The following UGGT2 variants were observed in gnomAD, a reference collection of about 807,000 sequenced individuals.
The protein encoded by UGGT2 is UDP-glucose:glycoprotein glucosyltransferase 2.
A neutral mutation model predicts 192.1 loss-of-function variants in UGGT2; 180 were observed. The observed-to-expected ratio is 0.94, with a 90% confidence interval of 0.83 to 1.06. The LOEUF (loss-of-function observed/expected upper bound fraction) is 1.06, where lower values mean the gene tolerates loss of function less well. Among genes scored for constraint, UGGT2 ranks in the 50% least tolerant of loss-of-function variants. The probability of loss-of-function intolerance (pLI) is 0.00; values close to 1 mark genes in which losing one functional copy is unlikely to be tolerated. For missense variants in UGGT2, 1,849 were observed against 1,795.7 expected, an observed-to-expected ratio of 1.03 and a Z score of -0.54; for synonymous variants, 580 against 591.0, an observed-to-expected ratio of 0.98 and a Z score of 0.27.
intron 12 of UGGT2, among the ~76,000 whole-genome samples, chr13:95,969,375 G>C (rs1001843397): frequency 1.3e-5 from 2 of 152,180 alleles, no homozygotes; most frequent in South Asian, 2.1e-4. Context: ...GGTCTTGCAA[G>C]TCCTTCTAGC....
chr13:95,915,888 A>C (rs1566689231), intron 20 of UGGT2, among the ~76,000 whole-genome samples: 1 of 152,146 alleles, frequency 6.6e-6, no homozygotes, highest in East Asian at 1.9e-4. Flanking sequence ...ATAAAGACAG[A>C]GCTTTGATCT....
intron 1 of UGGT2, among the ~76,000 whole-genome samples, chr13:96,039,294 CTT>C (rs1383000873): frequency 6.6e-6 from 1 of 152,186 alleles, no homozygotes; most frequent in Non-Finnish European, 1.5e-5. Flanking sequence ...TTCATTTTGT[CTT>C]GTCTCTTTCG....
At chr13:95,972,463 T>G in intron 11 of UGGT2, 117 bp downstream of exon 11, 4 of 970,134 alleles carry the variant, frequency 4.1e-6, no homozygotes, top group Non-Finnish European at 6.1e-6. Context: ...TTTTGTACAA[T>G]CAAAAACATG....
chr13:95,869,993 G>C (rs908071787), intron 29 of UGGT2, among the ~76,000 whole-genome samples: 1 of 152,176 alleles, frequency 6.6e-6, no homozygotes, highest in African/African-American at 2.4e-5. Flanking sequence ...ATGTAAATCA[G>C]ATTGGCTTCA....
chr13:96,023,387 A>G (rs2052570940), intron 3 of UGGT2, among the ~76,000 whole-genome samples: 1 of 152,160 alleles, frequency 6.6e-6, no homozygotes, highest in African/African-American at 2.4e-5. Flanking sequence ...TTAAAATTTT[A>G]TGATACTTCA....
chr13:95,963,217 G>C (rs553049439), intron 12 of UGGT2, among the ~76,000 whole-genome samples: 39 of 151,774 alleles, frequency 2.6e-4, no homozygotes, highest in African/African-American at 8.9e-4. Context: ...TGATCAAGTG[G>C]GATTTACCCC....
At chr13:95,842,119 A>G (rs1887927316) in intron 36 of UGGT2, among the ~76,000 whole-genome samples, 1 of 152,164 alleles carries the variant, frequency 6.6e-6, no homozygotes, top group Admixed American at 6.5e-5. Flanking sequence ...ACCATCACAT[A>G]ATTAACATAA....
At chr13:95,886,342 C>T (rs2047646048) in intron 26 of UGGT2, among the ~76,000 whole-genome samples, 1 of 152,134 alleles carries the variant, frequency 6.6e-6, no homozygotes, top group African/African-American at 2.4e-5. Flanking sequence ...TTCTGTTGAA[C>T]TACTAGTTAA....
chr13:95,934,189 T>C (rs1239509961), intron 17 of UGGT2, among the ~76,000 whole-genome samples: 4 of 152,218 alleles, frequency 2.6e-5, no homozygotes, highest in Non-Finnish European at 4.4e-5. Context: ...ATGTTCTGAG[T>C]TCTGATTTCT....
intron 4 of UGGT2, among the ~76,000 whole-genome samples, chr13:96,018,741 A>G (rs2052417128): frequency 1.8e-5 from 1 of 56,704 alleles, no homozygotes. Flanking sequence ...TTATAATTGA[A>G]AAAAAAAACA....
intron 2 of UGGT2, among the ~76,000 whole-genome samples, chr13:96,028,921 G>A (rs937376858): frequency 2.6e-5 from 4 of 151,982 alleles, no homozygotes; most frequent in Admixed American, 6.5e-5. Flanking sequence ...CGAGGTGGGC[G>A]GATCACGAGG....
chr13:95,908,311 T>G lies in UGGT2; in HGVS notation c.2296-5251A>C, dbSNP rs578187217. Reference sequence around the variant, plus strand: ...AAGTGATGGGGAGAATGGAACCATGTTGGAAAACACTATTCAGGATATCAT... The same window carrying G: ...AAGTGATGGGGAGAATGGAACCATGGTGGAAAACACTATTCAGGATATCAT... On this transcript the variant is annotated intron_variant, in intron 20 of 38. Transcript: ENST00000376747. 7.9e-5 allele frequency among the ~76,000 whole-genome samples: 12 copies of G among 152,342 alleles called. No homozygotes were observed. The South Asian group carries it at 2.3e-3, about 29-fold the overall frequency.
At chr13:96,052,984 G>A (rs1420959393) in intron 1 of UGGT2, among the ~76,000 whole-genome samples, 171 bp downstream of exon 1, 2 of 152,360 alleles carry the variant, frequency 1.3e-5, no homozygotes, top group African/African-American at 2.4e-5. Flanking sequence ...CACGGGAACC[G>A]AGAAGCCGCC....
Position 95,807,747 on chromosome 13 carries a change from A to C in UGGT2, c.4529-5935T>G, listed in dbSNP as rs183557002. 8.3e-5 allele frequency among the ~76,000 whole-genome samples: 5 copies of C among 60,338 alleles called. No homozygotes were observed. In the East Asian group the frequency reaches 1.8e-3, roughly 22 times the overall value. 39.6% of individuals were successfully genotyped at this position (60,338 alleles called of 152,430 possible). A position where few individuals can be genotyped will look rare whatever the true frequency, so the allele number is the denominator to read the frequency against. On this transcript the variant is annotated intron_variant, in intron 38 of 38. Transcript: ENST00000376747. ...TTTTTTTTTTTTTTGCCGTATTCAC[A>C]ATCTCTTTCATGATTTCCTTGGTTA...
intron 24 of UGGT2, among the ~76,000 whole-genome samples, chr13:95,891,791 T>C (rs1366856387): frequency 1.3e-5 from 2 of 152,170 alleles, no homozygotes; most frequent in Non-Finnish European, 2.9e-5. Context: ...GTTACAGGAA[T>C]ATTAGTTTCT....
At chr13:95,872,677 T>A (rs1282829665) in intron 29 of UGGT2, among the ~76,000 whole-genome samples, 1 of 152,186 alleles carries the variant, frequency 6.6e-6, no homozygotes, top group African/African-American at 2.4e-5. Flanking sequence ...TGTAAGTTAT[T>A]TCTACTGCCA....
chr13:95,945,035 A>G (rs1424166153), intron 15 of UGGT2, among the ~76,000 whole-genome samples: 1 of 151,800 alleles, frequency 6.6e-6, no homozygotes, highest in Non-Finnish European at 1.5e-5. Flanking sequence ...GCTACCTTAG[A>G]TTTCATTTGT....
intron 38 of UGGT2, among the ~76,000 whole-genome samples, chr13:95,802,936 C>T (rs1489802200): frequency 6.6e-6 from 1 of 152,136 alleles, no homozygotes; most frequent in Non-Finnish European, 1.5e-5. Flanking sequence ...TGGGTTCACA[C>T]CATTCTCCTG....
intron 29 of UGGT2, among the ~76,000 whole-genome samples, chr13:95,874,516 G>C (rs1260019103): frequency 1.3e-5 from 2 of 152,048 alleles, no homozygotes; most frequent in Non-Finnish European, 2.9e-5. Flanking sequence ...GAGCAGGATG[G>C]TGTGAGAGGT....
Sources: allele counts gnomAD v4.1 joint callset (sites outside exome capture counted in the v4.1 genomes callset), GRCh38; gene constraint gnomAD v4.1.1; transcripts MANE v1.5; gene names NCBI Gene and HGNC (gene_info 2026-07-23, HGNC 2026-07-21).